NTRK3: variants seen among roughly 807,000 people sequenced by gnomAD.
NTRK3 encodes the protein neurotrophic receptor tyrosine kinase 3, also known as NT-3 growth factor receptor.
In NTRK3, 24 loss-of-function variants were observed where a neutral mutation model predicts 91.7. That is an observed-to-expected ratio of 0.26 (90% CI 0.19 to 0.37). The LOEUF is 0.37. NTRK3 is among the 10% of genes least tolerant of loss of function. The pLI is 1.00. For synonymous variants in NTRK3, 483 were observed against 404.0 expected (o/e 1.20, Z -2.34); for missense variants, 880 against 1,068.9 (o/e 0.82, Z 2.46).
chr15:87,887,138 G>C (rs1288723425), intron 17 of NTRK3, among the ~76,000 whole-genome samples: 1 of 152,040 alleles, frequency 6.6e-6, no homozygotes, highest in Non-Finnish European at 1.5e-5. Context: ...CAAGTGTCCT[G>C]GGTGTAAACT....
rs7175480 is a variant in NTRK3 at position 88,050,215 on chromosome 15, T to C, written c.1397-17170A>G. Among the ~76,000 whole-genome samples, 652 of 152,280 alleles carry C rather than the reference T, an allele frequency of 4.3e-3. 12 individuals carry two copies. Among genetic ancestry groups the C allele is most frequent in the African/African-American group, 0.015 (620 of 41,548 alleles). Reference sequence around the variant, plus strand: ...TGTCCTTCCCTATTGTTGGCATGAATTCAAAGGCACGTGTGTCCCAGGCTA... The same window carrying C: ...TGTCCTTCCCTATTGTTGGCATGAACTCAAAGGCACGTGTGTCCCAGGCTA... On this transcript the variant is annotated intron_variant, in intron 13 of 18. Transcript: ENST00000394480.
At chr15:88,170,639 G>A (rs1341314966) in intron 5 of NTRK3, among the ~76,000 whole-genome samples, 1 of 152,174 alleles carries the variant, frequency 6.6e-6, no homozygotes, top group Non-Finnish European at 1.5e-5. Context: ...CTCTTTCTAT[G>A]TTCCATAACA....
chr15:87,956,614 G>A (rs1462867173), intron 14 of NTRK3, among the ~76,000 whole-genome samples: 5 of 151,094 alleles, frequency 3.3e-5, no homozygotes, highest in Non-Finnish European at 7.4e-5. Context: ...GTGCTGCCCA[G>A]GCTGGAGTGC....
At chr15:88,016,100 A>G (rs2077217037) in intron 14 of NTRK3, among the ~76,000 whole-genome samples, 1 of 152,160 alleles carries the variant, frequency 6.6e-6, no homozygotes, top group African/African-American at 2.4e-5. Context: ...AATGTCATGC[A>G]TTCATCACTT....
intron 13 of NTRK3, among the ~76,000 whole-genome samples, chr15:88,035,015 G>A (rs2078945072): frequency 6.6e-6 from 1 of 152,030 alleles, no homozygotes; most frequent in African/African-American, 2.4e-5. Flanking sequence ...TACAAAAAAG[G>A]AAATTCAAAA....
At chr15:88,028,459 A>G (rs2078231601) in intron 14 of NTRK3, among the ~76,000 whole-genome samples, 1 of 152,152 alleles carries the variant, frequency 6.6e-6, no homozygotes, top group African/African-American at 2.4e-5. Flanking sequence ...TTGGATGGAG[A>G]GTGGAGGGGC....
chr15:88,124,426 T>C (rs773542431), intron 13 of NTRK3, among the ~76,000 whole-genome samples: 3 of 152,070 alleles, frequency 2.0e-5, no homozygotes, highest in Non-Finnish European at 2.9e-5. Context: ...AGGATGACAA[T>C]TAATAGGAAA....
chr15:88,067,815 C>G (rs566864592), intron 13 of NTRK3, among the ~76,000 whole-genome samples: 103 of 152,280 alleles, frequency 6.8e-4, no homozygotes, highest in African/African-American at 2.3e-3. Flanking sequence ...CCCTAAGTCA[C>G]AAGATTGAGG....
At chr15:87,987,180 G>C (rs2074889292) in intron 14 of NTRK3, among the ~76,000 whole-genome samples, 1 of 152,246 alleles carries the variant, frequency 6.6e-6, no homozygotes. Flanking sequence ...CTTTGGAAGA[G>C]ATCCCTAAAT....
chr15:87,892,353 A>C lies in NTRK3; in HGVS notation c.2134-11925T>G, dbSNP rs576908814. Among the ~76,000 whole-genome samples the C allele has an allele frequency of 2.6e-5, 4 of 152,366 alleles. No homozygotes were observed. The East Asian group carries it at 7.7e-4, about 29-fold the overall frequency. On this transcript the variant is annotated intron_variant, in intron 17 of 18. Transcript: ENST00000394480. ...TATCAGCTGAGAGAAGATTGAAAGT[A>C]ATTTTTGATAAGAGTCCAATATGTG...
rs374180365 is a variant in NTRK3 at position 88,080,713 on chromosome 15, G to T, written c.1396+45558C>A. Among the ~76,000 whole-genome samples the T allele has an allele frequency of 2.2e-4, 34 of 152,364 alleles. No homozygotes were observed. The South Asian group carries it at 7.0e-3, about 32-fold the overall frequency. Reference sequence around the variant, plus strand: ...TGGCCAAAGAGCCCCAGATTGGAAGGCAGGAGCAAAGACCCAGAGTCCAAA... The same window carrying T: ...TGGCCAAAGAGCCCCAGATTGGAAGTCAGGAGCAAAGACCCAGAGTCCAAA... On this transcript the variant is annotated intron_variant, in intron 13 of 18. Transcript: ENST00000394480.
chr15:88,083,303 C>G (rs1254322868), intron 13 of NTRK3, among the ~76,000 whole-genome samples: 4 of 152,164 alleles, frequency 2.6e-5, no homozygotes, highest in African/African-American at 9.7e-5. Flanking sequence ...TCACTGCAAC[C>G]TCTGCCTCCC....
intron 17 of NTRK3, among the ~76,000 whole-genome samples, chr15:87,913,597 A>T (rs2067246543): frequency 6.6e-6 from 1 of 152,166 alleles, no homozygotes; most frequent in Non-Finnish European, 1.5e-5. Flanking sequence ...GAAATCTATT[A>T]ATATGTACCC....
chr15:88,086,123 G>A (rs945224948), intron 13 of NTRK3, among the ~76,000 whole-genome samples: 30 of 152,166 alleles, frequency 2.0e-4, no homozygotes, highest in African/African-American at 5.8e-4. Context: ...AACCAGAACC[G>A]TTCTCTAGAG....
intron 13 of NTRK3, among the ~76,000 whole-genome samples, chr15:88,108,978 C>T (rs1383261029): frequency 2.0e-5 from 3 of 152,368 alleles, no homozygotes; most frequent in East Asian, 3.9e-4. Context: ...ATCCCTCCCT[C>T]TCTCTGCCCA....
At chr15:87,951,077 C>T (rs895668196) in intron 14 of NTRK3, among the ~76,000 whole-genome samples, 5 of 152,220 alleles carry the variant, frequency 3.3e-5, no homozygotes, top group African/African-American at 1.2e-4. Context: ...TGGCCATCCA[C>T]TGTCCTCTGA....
chr15:88,070,456 T>C lies in NTRK3; in HGVS notation c.1397-37411A>G, dbSNP rs1393550645. Reference sequence around the variant, plus strand: ...CATACAGAGTCATCACAGGTCTGGATGTGGTGAAAGGAGCAGAGAAACATG... The same window carrying C: ...CATACAGAGTCATCACAGGTCTGGACGTGGTGAAAGGAGCAGAGAAACATG... On this transcript the variant is annotated intron_variant, in intron 13 of 18. Transcript: ENST00000394480. Among the ~76,000 whole-genome samples the C allele has an allele frequency of 2.0e-5, 3 of 151,986 alleles. No individual in the cohort carries two copies. In the South Asian group the frequency reaches 6.2e-4, roughly 32 times the overall value.
chr15:88,114,851 T>G (rs1490413871), intron 13 of NTRK3, among the ~76,000 whole-genome samples: 1 of 152,258 alleles, frequency 6.6e-6, no homozygotes, highest in Non-Finnish European at 1.5e-5. Flanking sequence ...ATTAAATACC[T>G]ACTTTTAAAA....
At chr15:88,083,747 A>G (rs757970834) in intron 13 of NTRK3, among the ~76,000 whole-genome samples, 8 of 152,226 alleles carry the variant, frequency 5.3e-5, no homozygotes, top group Non-Finnish European at 8.8e-5. Flanking sequence ...CAGGGGAGAT[A>G]TATGAGGAAC....
Sources: gnomAD v4.1 joint callset for allele counts (sites outside exome capture counted in the v4.1 genomes callset) on GRCh38, gnomAD v4.1.1 for gene constraint, MANE v1.5 for transcripts, NCBI Gene and HGNC (gene_info 2026-07-23, HGNC 2026-07-21) for gene names.